CYP2S1: variants seen among roughly 807,000 people sequenced by gnomAD.
CYP2S1 encodes the protein cytochrome P450 family 2 subfamily S member 1.
Under a neutral mutation model 43.5 loss-of-function variants are expected in CYP2S1, and 32 were observed. That is an observed-to-expected ratio of 0.74 (90% confidence interval 0.56 to 0.99). The LOEUF is 0.99. CYP2S1 is among the 50% of genes least tolerant of loss of function. CYP2S1 has a pLI of 0.00. For synonymous variants in CYP2S1, 283 were observed against 302.9 expected, an observed-to-expected ratio of 0.93 and a Z score of 0.68; for missense variants, 575 against 673.9, an observed-to-expected ratio of 0.85 and a Z score of 1.62.
rs772376474 is a variant in CYP2S1 at position 41,198,485 on chromosome 19, C to A, written c.517C>A (p.Leu173Met). Residue 173 changes from leucine (L) to methionine (M), a missense_variant, in exon 4 of 9, where the codon CTG (leucine) becomes ATG (methionine). Leu to Met is a conservative substitution (Grantham distance 15). This residue lies in a region of CYP2S1 where 353 missense variants were observed against 367.6 expected (regional missense o/e 0.96). Coordinates refer to ENST00000310054, the MANE Select transcript of CYP2S1 (RefSeq NM_030622.8). This position sits in a 1 kb window ranked among gnomAD's most constrained non-coding sequence, Gnocchi z 4.9. ...AGGACGCCCATTCGATCCCTCCCTGCTGCTGGCCCAGGCCACCTCCAACGT... is the reference window on the plus strand; with the variant it reads ...AGGACGCCCATTCGATCCCTCCCTGATGCTGGCCCAGGCCACCTCCAACGT... ...TEGRPFDPSL[L>M]LAQATSNVVC... is the part of the protein sequence containing the mutation. 2.9e-5 allele frequency: 47 copies of A among 1,614,156 alleles called. 1 individual carries two copies. The South Asian group carries it at 4.9e-4, about 17-fold the overall frequency.
At position 41,207,251 on chromosome 19, in the gene CYP2S1, T is replaced by G. The variant is rs1196072410; in HGVS notation, c.*763T>G. ...GGTCTGCGATTATGCACAGAGACTT[T>G]GGACATACGAGGACCCTCAGACCGG... On this transcript the variant is annotated 3_prime_UTR_variant, in exon 9 of 9. Transcript: ENST00000310054. The G allele has an allele frequency of 4.5e-6, 1 of 224,552 alleles. No individual in the cohort carries two copies. The highest frequency in any genetic ancestry group is 8.9e-6 in the Non-Finnish European group (1 of 111,794). The allele number at this position is 224,552 out of a possible 1,614,324, so 13.9% of individuals were successfully genotyped here.
chr19:41,193,240 G>T lies in CYP2S1; in HGVS notation c.-25G>T. On this transcript the variant is annotated 5_prime_UTR_variant, in exon 1 of 9. Coordinates refer to ENST00000310054, the MANE Select transcript of CYP2S1 (RefSeq NM_030622.8). ...GCCCAGCCGCGCGGAGCGCCTGGGA[G>T]AGGAGAAGGAGCCGACCTGCCGAGA... The T allele has an allele frequency of 6.6e-7, 1 of 1,504,480 alleles. No homozygotes were observed. The allele number at this position is 1,504,480 out of a possible 1,614,324, so 93.2% of individuals were successfully genotyped here. A position where few individuals can be genotyped will look rare whatever the true frequency, so the allele number is the denominator to read the frequency against.
In CYP2S1 at chr19:41,196,877, G is replaced by A. The variant is rs1055508711; in HGVS notation, c.344-902G>A. 7.2e-4 allele frequency among the ~76,000 whole-genome samples: 110 copies of A among 152,170 alleles called. 1 individual carries two copies. The highest frequency in any genetic ancestry group is 2.6e-3 in the African/African-American group (108 of 41,508). On this transcript the variant is annotated intron_variant, in intron 2 of 8. Transcript: ENST00000310054. ...TGGGTGGATGGAAGGAAGGAAGGAG[G>A]AAACAACTCTTCATTCATCCTGGTT...
At chr19:41,194,508 C>T in intron 1 of CYP2S1, 36 bp from the exon 2 acceptor site, 1 of 1,540,722 alleles carries the variant, frequency 6.5e-7, no homozygotes, top group Non-Finnish European at 8.7e-7. Context: ...TCGAAGAGGT[C>T]ACAGCACCCT....
At position 41,193,453 on chromosome 19, in the gene CYP2S1, TG is replaced by T; in HGVS notation, c.177+16del. The T allele has an allele frequency of 7.0e-7, 1 of 1,428,408 alleles. No individual in the cohort carries two copies. The highest frequency in any genetic ancestry group is 9.2e-7 in the Non-Finnish European group (1 of 1,086,630). The allele number at this position is 1,428,408 out of a possible 1,614,324, so 88.5% of individuals were successfully genotyped here. A position where few individuals can be genotyped will look rare whatever the true frequency, so the allele number is the denominator to read the frequency against. ...CAGGGCTCATGCGGGTAAGGGGCTC[TG>T]GGGACGTCCTGGCTAGGGGTGGGAG... On this transcript the variant is annotated intron_variant, in intron 1 of 8. Transcript: ENST00000310054.
chr19:41,202,573 T>C (rs2033503505), intron 6 of CYP2S1, among the ~76,000 whole-genome samples: 1 of 151,778 alleles, frequency 6.6e-6, no homozygotes, highest in African/African-American at 2.4e-5. Flanking sequence ...GAGGATCACT[T>C]GAGGCTAGGA....
chr19:41,206,427 C>G lies in CYP2S1; in HGVS notation c.1454C>G (p.Pro485Arg). The change falls in exon 9 of 9, where the codon CCC becomes CGC. Residue 485 changes from proline (P) to arginine (R), a missense_variant. Coordinates refer to ENST00000310054, the MANE Select transcript of CYP2S1 (RefSeq NM_030622.8). ...KPTVSGLFNI[P>R]PAFQLQVRPT... ...ACCGTCAGTGGCCTTTTCAACATTC[C>G]CCCAGCCTTCCAGCTGCAAGTCCGT... 1 of 1,614,174 alleles carries G rather than the reference C, an allele frequency of 6.2e-7. No homozygotes were observed. The highest frequency in any genetic ancestry group is 8.5e-7 in the Non-Finnish European group (1 of 1,180,048).
rs751769592 is a variant in CYP2S1, at chr19:41,203,529, C to T, written c.1056C>T (p.Tyr352=). The change falls in exon 7 of 9, where the codon TAC becomes TAT. Residue 352 remains tyrosine (Y), a synonymous_variant. Transcript: ENST00000310054. Reference sequence around the variant, plus strand: ...TAGGGGACCGTACCCGCCTCCCTTACACCGACGCGGTTCTGCATGAGGCGC... The same window carrying T: ...TAGGGGACCGTACCCGCCTCCCTTATACCGACGCGGTTCTGCATGAGGCGC... ...PSLGDRTRLP[Y]TDAVLHEAQR... is the part of the protein sequence containing the mutation. 1 of 1,601,816 alleles carries T rather than the reference C, an allele frequency of 6.2e-7. No individual in the cohort carries two copies. Among genetic ancestry groups the T allele is most frequent in the East Asian group, 2.3e-5 (1 of 44,226 alleles).
intron 5 of CYP2S1, among the ~76,000 whole-genome samples, chr19:41,199,748 T>G (rs1255996778): frequency 6.6e-6 from 1 of 151,838 alleles, no homozygotes; most frequent in Non-Finnish European, 1.5e-5. Context: ...GCGGATCACC[T>G]GAGGTCGGGA....
At chr19:41,205,406 T>TC (rs2033558424) in intron 7 of CYP2S1, among the ~76,000 whole-genome samples, 1 of 84,310 alleles carries the variant, frequency 1.2e-5, no homozygotes, top group African/African-American at 6.4e-5. Flanking sequence ...CTTTCTCTCT[T>TC]TCTTTCTTTC....
At position 41,198,492 on chromosome 19, in the gene CYP2S1, C is replaced by T. The variant is rs747790201; in HGVS notation, c.524C>T (p.Ala175Val). 6.2e-7 allele frequency: 1 copy of T among 1,614,132 alleles called. No individual in the cohort carries two copies. Among genetic ancestry groups the T allele is most frequent in the Non-Finnish European group, 8.5e-7 (1 of 1,180,004 alleles). The change falls in exon 4 of 9, where the codon GCC (alanine) becomes GTC (valine). Residue 175 changes from alanine (A) to valine (V), a missense_variant. Physicochemically the swap from Ala to Val is moderately conservative, Grantham distance 64. This residue lies in a region of CYP2S1 where 353 missense variants were observed against 367.6 expected (regional missense o/e 0.96). Transcript: ENST00000310054. The surrounding 1 kb of genome is among the most constrained non-coding windows in gnomAD (Gnocchi z 4.9). The stretch of plus-strand genomic sequence containing the variant: ...CCATTCGATCCCTCCCTGCTGCTGG[C>T]CCAGGCCACCTCCAACGTAGTCTGC... ...GRPFDPSLLL[A>V]QATSNVVCSL...
At position 41,207,150 on chromosome 19, in the gene CYP2S1, C is replaced by G; in HGVS notation, c.*662C>G. 1 of 285,880 alleles carries G rather than the reference C, an allele frequency of 3.5e-6. No homozygotes were observed. The highest frequency in any genetic ancestry group is 3.6e-5 in the South Asian group (1 of 27,444). 17.7% of individuals were successfully genotyped at this position (285,880 alleles called of 1,614,324 possible). The stretch of plus-strand genomic sequence containing the variant: ...CGCCGCCCCCACAGAGGCACAGTCC[C>G]CAGCCACCTCTGCAACTGCAGCCCT... On this transcript the variant is annotated 3_prime_UTR_variant, in exon 9 of 9. Coordinates refer to ENST00000310054, the MANE Select transcript of CYP2S1 (RefSeq NM_030622.8).
At chr19:41,201,165 G>A in intron 5 of CYP2S1, 66 bp from the exon 6 acceptor site, 1 of 1,560,912 alleles carries the variant, frequency 6.4e-7, no homozygotes, top group South Asian at 1.2e-5. Flanking sequence ...CCCCAGGCTT[G>A]GCTGTTCTGG....
intron 7 of CYP2S1, among the ~76,000 whole-genome samples, chr19:41,204,773 T>G (rs1051890725): frequency 2.6e-5 from 4 of 151,556 alleles, no homozygotes; most frequent in Admixed American, 6.6e-5. Context: ...AATTTTTGTC[T>G]TTTTAGTAGA....
intron 2 of CYP2S1, 105 bp from the exon 3 acceptor site, chr19:41,197,674 T>C (rs2033429709): frequency 1.3e-6 from 2 of 1,534,912 alleles, no homozygotes; most frequent in East Asian, 4.6e-5. Context: ...CACTCCAGCC[T>C]GGGCAACAGA....
chr19:41,205,380 T>TTCTTTCTTTCTTTCTTTC (rs1555727582), intron 7 of CYP2S1, among the ~76,000 whole-genome samples: 1 of 127,660 alleles, frequency 7.8e-6, no homozygotes, highest in African/African-American at 2.6e-5. Context: ...CTTTCTTTCT[T>TTCTTTCTTTCTTTCTTTC]TCTCTCTCTC....
Position 41,198,339 on chromosome 19 carries a change from C to T in CYP2S1, c.494-123C>T. 7.7e-7 allele frequency: 1 copy of T among 1,293,582 alleles called. No homozygotes were observed. Among genetic ancestry groups the T allele is most frequent in the Non-Finnish European group, 1.1e-6 (1 of 926,718 alleles). The allele number at this position is 1,293,582 out of a possible 1,614,324, so 80.1% of individuals were successfully genotyped here. A position where few individuals can be genotyped will look rare whatever the true frequency, so the allele number is the denominator to read the frequency against. ...TATCCTTCTTTGCCTGTTTAGCTCT[C>T]TCCCTGCGCTGTCCATCCATCTTTC... On this transcript the variant is annotated intron_variant, in intron 3 of 8. Coordinates refer to ENST00000310054, the MANE Select transcript of CYP2S1 (RefSeq NM_030622.8). The surrounding 1 kb of genome is among the most constrained non-coding windows in gnomAD (Gnocchi z 4.9).
chr19:41,206,125 C>T, intron 8 of CYP2S1, 26 bp downstream of exon 8: 1 of 1,611,828 alleles, frequency 6.2e-7, no homozygotes, highest in Non-Finnish European at 8.5e-7. Context: ...CTGGGTATCA[C>T]AAGCAGGTGC....
At position 41,194,681 on chromosome 19, in the gene CYP2S1, G is replaced by C; in HGVS notation, c.315G>C (p.Ala105=). 5.0e-6 allele frequency: 8 copies of C among 1,612,166 alleles called. No homozygotes were observed. Among genetic ancestry groups the C allele is most frequent in the Non-Finnish European group, 5.9e-6 (7 of 1,179,282 alleles). ...AEEFSGRGTV[A]MLEGTFDGHG... Reference sequence around the variant, plus strand: ...AGTTCAGCGGCCGGGGAACCGTAGCGATGCTGGAAGGGACTTTTGATGGCC... The same window carrying C: ...AGTTCAGCGGCCGGGGAACCGTAGCCATGCTGGAAGGGACTTTTGATGGCC... Residue 105 remains alanine (A), a synonymous_variant, in exon 2 of 9, where the codon GCG becomes GCC. Coordinates refer to ENST00000310054, the MANE Select transcript of CYP2S1 (RefSeq NM_030622.8).
Sources: gnomAD v4.1 joint callset for allele counts (sites outside exome capture counted in the v4.1 genomes callset) on GRCh38, gnomAD v4.1.1 for gene constraint, gnomAD v4.1.1 regional missense constraint, Gnocchi (gnomAD v3.1) non-coding constraint, MANE v1.5 for transcripts, NCBI Gene and HGNC (gene_info 2026-07-23, HGNC 2026-07-21) for gene names.